The following CCNJL variants were observed in gnomAD, a reference collection of about 807,000 sequenced individuals.
The protein encoded by CCNJL is cyclin J like, also known as cyclin-J-like protein.
In CCNJL, 33 loss-of-function variants were observed where a neutral mutation model predicts 33.4. The observed-to-expected ratio is 0.99, with a 90% confidence interval of 0.75 to 1.32. CCNJL has a LOEUF of 1.32. Ranked by LOEUF, CCNJL falls within the 40% of genes most tolerant of loss-of-function variation. CCNJL has a pLI of 0.00. For synonymous variants in CCNJL, 227 were observed against 220.9 expected (o/e 1.03, Z -0.24); for missense variants, 512 against 499.7 (o/e 1.02, Z -0.23).
intron 3 of CCNJL, among the ~76,000 whole-genome samples, chr5:160,262,873 G>A (rs551946218): frequency 1.2e-4 from 19 of 152,298 alleles, no homozygotes; most frequent in Admixed American, 1.1e-3. Context: ...CCCCAGCGCT[G>A]CCACCACCAA....
At chr5:160,271,957 G>C (rs781723509) in intron 3 of CCNJL, among the ~76,000 whole-genome samples, 23 of 152,278 alleles carry the variant, frequency 1.5e-4, no homozygotes, top group Non-Finnish European at 2.6e-4. Flanking sequence ...GAAGATTTAG[G>C]TTTAATTCTA....
At position 160,311,644 on chromosome 5, in the gene CCNJL, T is replaced by A. The variant is rs144487808; in HGVS notation, c.66+214A>T. Among the ~76,000 whole-genome samples the A allele has an allele frequency of 1.9e-3, 286 of 152,250 alleles. 3 individuals are homozygous for A. The highest frequency in any genetic ancestry group is 6.5e-3 in the African/African-American group (269 of 41,542). ...TAGTTGGCCCAGAGTTCTGAGCTCC[T>A]TATCAGAAAAACCAACTTCAATCTC... On this transcript the variant is annotated intron_variant, in intron 2 of 5. Transcript: ENST00000257536.
At chr5:160,310,249 T>C (rs2113455665) in intron 2 of CCNJL, among the ~76,000 whole-genome samples, 1 of 152,256 alleles carries the variant, frequency 6.6e-6, no homozygotes, top group African/African-American at 2.4e-5. Context: ...CCTACCACTT[T>C]CCTTGCTTTT....
chr5:160,259,356 G>A (rs2113234910), intron 4 of CCNJL, 113 bp downstream of exon 4: 1 of 866,790 alleles, frequency 1.2e-6, no homozygotes, highest in South Asian at 1.7e-5. Flanking sequence ...GGGTGCACAG[G>A]CCCCAGTGAG....
At chr5:160,254,551 G>A (rs1251746141) in intron 5 of CCNJL, 15 of 433,984 alleles carry the variant, frequency 3.5e-5, no homozygotes, top group Admixed American at 8.5e-5. Context: ...TTCCCACATC[G>A]GGGAGGGCTC....
At chr5:160,271,865 T>C (rs1218987831) in intron 3 of CCNJL, among the ~76,000 whole-genome samples, 1 of 152,222 alleles carries the variant, frequency 6.6e-6, no homozygotes, top group East Asian at 1.9e-4. Flanking sequence ...AGGAAGGAAA[T>C]GGAGTTTCCT....
rs757688602 is a variant in CCNJL at position 160,253,722 on chromosome 5, TG to T, written c.819del (p.Thr274ProfsTer149). Reference sequence around the variant, plus strand: ...GGCTGGAACAGCACTTGAGTGGGGGTGGGGGGTGTGCCGGGCACCATTGCCA... The same window carrying T: ...GGCTGGAACAGCACTTGAGTGGGGGTGGGGGTGTGCCGGGCACCATTGCCA... ...QALAMVPGTP[P>X]TPTQVLFQPP... On this transcript the variant is annotated frameshift_variant, in exon 6 of 6. Coordinates refer to ENST00000257536, the MANE Select transcript of CCNJL (RefSeq NM_001308173.3). LOFTEE classifies it high-confidence loss of function. The T allele has an allele frequency of 2.6e-5, 41 of 1,581,882 alleles. No homozygotes were observed. The highest frequency in any genetic ancestry group is 2.6e-4 in the African/African-American group (19 of 73,988).
chr5:160,311,654 A>G (rs1366440704), intron 2 of CCNJL, among the ~76,000 whole-genome samples: 1 of 152,024 alleles, frequency 6.6e-6, no homozygotes, highest in African/African-American at 2.4e-5. Context: ...TTATCAGAAA[A>G]ACCAACTTCA....
intron 2 of CCNJL, among the ~76,000 whole-genome samples, chr5:160,302,834 T>TAATAA (rs1399899443): frequency 6.6e-6 from 1 of 151,298 alleles, no homozygotes; most frequent in Non-Finnish European, 1.5e-5. Context: ...AAAATAATAA[T>TAATAA]AATAAAATAA....
chr5:160,285,545 C>T (rs1762376174), intron 2 of CCNJL, among the ~76,000 whole-genome samples: 1 of 152,190 alleles, frequency 6.6e-6, no homozygotes, highest in African/African-American at 2.4e-5. Context: ...AAGTCGTGAC[C>T]AACTCTACAG....
In CCNJL at chr5:160,274,124, A is replaced by C. The variant is rs117346911; in HGVS notation, c.280+6401T>G. ...AAAGGATTTTTATTTTATTCTTTGGATCTCACTTTACAAGTGAGTATAATA... is the reference window on the plus strand; with the variant it reads ...AAAGGATTTTTATTTTATTCTTTGGCTCTCACTTTACAAGTGAGTATAATA... On this transcript the variant is annotated intron_variant, in intron 3 of 5. Coordinates refer to ENST00000257536, the MANE Select transcript of CCNJL (RefSeq NM_001308173.3). Among the ~76,000 whole-genome samples the C allele has an allele frequency of 2.7e-3, 417 of 152,188 alleles. 11 individuals are homozygous for C. In the East Asian group the frequency reaches 0.063, roughly 23 times the overall value.
intron 2 of CCNJL, among the ~76,000 whole-genome samples, chr5:160,305,134 G>T (rs969417045): frequency 7.2e-5 from 11 of 152,176 alleles, no homozygotes; most frequent in African/African-American, 2.4e-4. Context: ...TTTCTATAAG[G>T]AGACAGGTGT....
intron 3 of CCNJL, among the ~76,000 whole-genome samples, chr5:160,267,252 G>C (rs763403311): frequency 2.6e-5 from 4 of 152,158 alleles, no homozygotes; most frequent in Non-Finnish European, 4.4e-5. Flanking sequence ...AACTGTGCTT[G>C]CTGTGCCCTT....
Position 160,311,768 on chromosome 5 carries a change from G to A in CCNJL, c.66+90C>T, listed in dbSNP as rs913523380. The A allele has an allele frequency of 1.2e-5, 15 of 1,263,042 alleles. No homozygotes were observed. The African/African-American group carries it at 2.1e-4, about 17-fold the overall frequency. 78.2% of individuals were successfully genotyped at this position (1,263,042 alleles called of 1,614,324 possible). A position where few individuals can be genotyped will look rare whatever the true frequency, so the allele number is the denominator to read the frequency against. ...AAAAAAAGGCACCCGGGAGTTCTGA[G>A]TTCCCACGCAGGCGACCTGAGAACA... On this transcript the variant is annotated intron_variant, in intron 2 of 5. Transcript: ENST00000257536.
At position 160,250,191 on chromosome 5, in the gene CCNJL, C is replaced by G. The variant is rs1760769016; in HGVS notation, c.*3187G>C. 1 of 152,246 alleles carries G rather than the reference C, an allele frequency of 6.6e-6. No homozygotes were observed. Among genetic ancestry groups the G allele is most frequent in the Non-Finnish European group, 1.5e-5 (1 of 68,070 alleles). The allele number at this position is 152,246 out of a possible 1,614,324, so 9.4% of individuals were successfully genotyped here. ...TCTGTGGCACAGTCTCCCCCCGCCC[C>G]AAGAGCTTAGAACCATCCACCAACT... On this transcript the variant is annotated 3_prime_UTR_variant, in exon 6 of 6. Transcript: ENST00000257536.
upstream of CCNJL, among the ~76,000 whole-genome samples, chr5:160,316,135 CA>C (rs1763376772): frequency 1.3e-5 from 2 of 152,232 alleles, no homozygotes; most frequent in South Asian, 4.1e-4. Context: ...CACCAATAAA[CA>C]GATGGTTTTG....
chr5:160,273,898 C>T (rs1761922938), intron 3 of CCNJL, among the ~76,000 whole-genome samples: 2 of 151,916 alleles, frequency 1.3e-5, no homozygotes, highest in South Asian at 4.2e-4. Context: ...ATCCACCCAC[C>T]TCGGCCTCCC....
intron 1 of CCNJL, among the ~76,000 whole-genome samples, chr5:160,332,393 C>T (rs1255766454): frequency 6.6e-6 from 1 of 152,220 alleles, no homozygotes; most frequent in Non-Finnish European, 1.5e-5. Context: ...CCAACTTTGC[C>T]CAGCCAGAAT....
intron 1 of CCNJL, among the ~76,000 whole-genome samples, chr5:160,336,725 C>T (rs1442986265): frequency 1.1e-4 from 16 of 152,230 alleles, no homozygotes; most frequent in African/African-American, 3.6e-4. Flanking sequence ...GCTCCTCCCA[C>T]TCCTCCCAGG....
Sources: gnomAD v4.1 joint callset for allele counts (sites outside exome capture counted in the v4.1 genomes callset) on GRCh38, gnomAD v4.1.1 for gene constraint, MANE v1.5 for transcripts, NCBI Gene and HGNC (gene_info 2026-07-23, HGNC 2026-07-21) for gene names.